Variants in PTPRQ observed in about 807,000 individuals in gnomAD.
The protein encoded by PTPRQ is protein tyrosine phosphatase receptor type Q, also known as phosphatidylinositol phosphatase PTPRQ.
A neutral mutation model predicts 246.0 loss-of-function variants in PTPRQ; 199 were observed. The observed-to-expected ratio is 0.81, with a 90% confidence interval of 0.72 to 0.91. The LOEUF (loss-of-function observed/expected upper bound fraction) is 0.91, where lower values mean the gene tolerates loss of function less well. Ranked by LOEUF, PTPRQ falls within the 40% of genes least tolerant of loss-of-function variation. PTPRQ has a pLI of 0.00. For synonymous variants in PTPRQ, 869 were observed against 853.2 expected (o/e 1.02, Z -0.32); for missense variants, 2,624 against 2,528.4 (o/e 1.04, Z -0.81).
rs551096434 is a variant in PTPRQ at position 80,495,952 on chromosome 12, G to A, written c.1883-47G>A. ...TTATATTAAATGGCACCAATCCCAA[G>A]AGTATTATTTTAAGGACATTAAACA... On this transcript the variant is annotated intron_variant, in intron 12 of 44. Transcript: ENST00000644991. 1.0e-5 allele frequency: 16 copies of A among 1,524,726 alleles called. No individual in the cohort carries two copies. The African/African-American group carries it at 1.8e-4, about 17-fold the overall frequency. The allele number at this position is 1,524,726 out of a possible 1,614,324, so 94.4% of individuals were successfully genotyped here.
intron 17 of PTPRQ, among the ~76,000 whole-genome samples, chr12:80,515,092 T>C (rs1393598734): frequency 6.6e-6 from 1 of 152,014 alleles, no homozygotes; most frequent in Non-Finnish European, 1.5e-5. Flanking sequence ...GTATAGTAAG[T>C]GTAGCGAAGG....
At chr12:80,558,494 G>GTA (rs1896730170) in intron 25 of PTPRQ, among the ~76,000 whole-genome samples, 1 of 136,392 alleles carries the variant, frequency 7.3e-6, no homozygotes, top group Admixed American at 7.5e-5. Flanking sequence ...TTTCTTTTTG[G>GTA]TATGGATGTA....
In PTPRQ at chr12:80,640,170, A is replaced by G. The variant is rs545710872; in HGVS notation, c.5915+5097A>G. On this transcript the variant is annotated intron_variant, in intron 35 of 44. Transcript: ENST00000644991. ...CATTTTCTATGATGAGAATGAGTCT[A>G]AAGAAAGAGGTTCCTCTTTGGATTT... Among the ~76,000 whole-genome samples, 7 of 152,264 alleles carry G rather than the reference A, an allele frequency of 4.6e-5. No individual in the cohort carries two copies. In the South Asian group the frequency reaches 1.5e-3, roughly 32 times the overall value.
chr12:80,506,552 A>G lies in PTPRQ; in HGVS notation c.2456-17A>G, dbSNP rs1894965915. The G allele has an allele frequency of 2.0e-6, 3 of 1,483,714 alleles. No individual in the cohort carries two copies. Among genetic ancestry groups the G allele is most frequent in the Admixed American group, 2.3e-5 (1 of 44,078 alleles). The allele number at this position is 1,483,714 out of a possible 1,614,324, so 91.9% of individuals were successfully genotyped here. On this transcript the variant is annotated splice_polypyrimidine_tract_variant and intron_variant, in intron 15 of 44. Transcript: ENST00000644991. ...ATATTTTGTAAGTTTCAACTTACCT[A>G]TTTGATTTCTCTTTAGTACTGAAGA...
chr12:80,644,401 A>T (rs1338726685), intron 35 of PTPRQ, among the ~76,000 whole-genome samples: 1 of 152,174 alleles, frequency 6.6e-6, no homozygotes, highest in Non-Finnish European at 1.5e-5. Context: ...AACTGATTAT[A>T]GTCTGACAGT....
At chr12:80,620,888 C>T (rs918129365) in intron 32 of PTPRQ, among the ~76,000 whole-genome samples, 2 of 151,666 alleles carry the variant, frequency 1.3e-5, no homozygotes, top group Non-Finnish European at 2.9e-5. Context: ...CTTTTTGTAG[C>T]CCCTAAAAAC....
chr12:80,662,145 C>T (rs971615011), intron 39 of PTPRQ, among the ~76,000 whole-genome samples: 2 of 151,804 alleles, frequency 1.3e-5, no homozygotes, highest in African/African-American at 4.8e-5. Flanking sequence ...AGGTTTGCAC[C>T]ATTCAACATT....
rs1234988514 is a variant in PTPRQ, at chr12:80,462,025, T to A, written c.910+1123T>A. 5.7e-6 allele frequency: 4 copies of A among 701,434 alleles called. No homozygotes were observed. The South Asian group carries it at 5.9e-5, about 10-fold the overall frequency. 43.5% of individuals were successfully genotyped at this position (701,434 alleles called of 1,614,324 possible). ...CAGACAGTGGATGCAGGTCAGTGCG[T>A]GCAGTGCGCCGTGAGAGAGCCGAAG... On this transcript the variant is annotated intron_variant, in intron 6 of 44. Transcript: ENST00000644991.
chr12:80,673,430 C>A, intron 43 of PTPRQ, 126 bp downstream of exon 43: 1 of 1,386,876 alleles, frequency 7.2e-7, no homozygotes. Flanking sequence ...ACATTATAAG[C>A]CTTTTGGGGA....
chr12:80,576,916 A>G (rs1031965002), intron 25 of PTPRQ, among the ~76,000 whole-genome samples: 30 of 152,160 alleles, frequency 2.0e-4, no homozygotes, highest in African/African-American at 6.8e-4. Flanking sequence ...TTCTTGGGTA[A>G]ATCTCCACAA....
At chr12:80,474,826 T>C (rs12099476) in intron 8 of PTPRQ, among the ~76,000 whole-genome samples, 28,816 of 152,100 alleles carry the variant, frequency 0.19, 2,926 homozygotes, top group Middle Eastern at 0.24. Context: ...GACCATTTCT[T>C]AAAAGCAGAC....
At chr12:80,642,739 T>G (rs964186652) in intron 35 of PTPRQ, among the ~76,000 whole-genome samples, 1 of 149,498 alleles carries the variant, frequency 6.7e-6, no homozygotes, top group Middle Eastern at 3.2e-3. Context: ...GCTAAAACGG[T>G]GAAACCCCGT....
At chr12:80,643,654 T>G (rs1899971428) in intron 35 of PTPRQ, among the ~76,000 whole-genome samples, 1 of 151,824 alleles carries the variant, frequency 6.6e-6, no homozygotes, top group Non-Finnish European at 1.5e-5. Context: ...AAGAACAAAA[T>G]AAAGAAAACT....
At chr12:80,487,415 G>A (rs1440955653) in intron 9 of PTPRQ, among the ~76,000 whole-genome samples, 1 of 152,114 alleles carries the variant, frequency 6.6e-6, no homozygotes, top group African/African-American at 2.4e-5. Flanking sequence ...AAGAGCGGCT[G>A]ACTTGAAGTC....
intron 6 of PTPRQ, among the ~76,000 whole-genome samples, chr12:80,466,863 A>G (rs10862131): frequency 0.89 from 135,118 of 151,800 alleles, 60,496 homozygotes; most frequent in Non-Finnish European, 0.92. Context: ...AATTCAAGAT[A>G]GATTAAAGAC....
chr12:80,468,586 A>T (rs930079368), intron 6 of PTPRQ, 124 bp from the exon 7 acceptor site: 16 of 959,714 alleles, frequency 1.7e-5, no homozygotes, highest in Non-Finnish European at 2.3e-5. Context: ...AGATAAAAAA[A>T]CTCTGCTTTT....
Position 80,541,699 on chromosome 12 carries a change from G to A in PTPRQ, c.3299G>A (p.Arg1100Lys). ...TTACAGCAGACTCCTCGCCATGTGAGACCACCTCTTGTTACATATGAGAGA... is the reference window on the plus strand; with the variant it reads ...TTACAGCAGACTCCTCGCCATGTGAAACCACCTCTTGTTACATATGAGAGA... Reference protein sequence around the residue: ...LILQQTPRHVRPPLVTYERSI... With the variant: ...LILQQTPRHVKPPLVTYERSI... The change falls in exon 21 of 45, where the codon AGA becomes AAA. Residue 1100 changes from arginine to lysine, a missense_variant. Arg to Lys is a conservative substitution (Grantham distance 26). Coordinates refer to ENST00000644991, the MANE Select transcript of PTPRQ (RefSeq NM_001145026.2). 1.3e-6 allele frequency: 2 copies of A among 1,551,288 alleles called. No homozygotes were observed. Among genetic ancestry groups the A allele is most frequent in the African/African-American group, 2.7e-5 (2 of 73,116 alleles).
chr12:80,500,859 C>G (rs574025223), intron 14 of PTPRQ, among the ~76,000 whole-genome samples: 66 of 151,932 alleles, frequency 4.3e-4, no homozygotes, highest in Middle Eastern at 3.4e-3. Flanking sequence ...AATCAGTAAA[C>G]AAATTTGTGA....
At chr12:80,546,966 C>A in intron 24 of PTPRQ, 1 of 272,388 alleles carries the variant, frequency 3.7e-6, no homozygotes, top group Non-Finnish European at 6.7e-6. Flanking sequence ...TTCTAGATAT[C>A]TGTGAAAATT....
Sources: allele counts gnomAD v4.1 joint callset (sites outside exome capture counted in the v4.1 genomes callset), GRCh38; gene constraint gnomAD v4.1.1; transcripts MANE v1.5; gene names NCBI Gene and HGNC (gene_info 2026-07-23, HGNC 2026-07-21).